Variants in EFCAB5 observed in about 807,000 individuals in gnomAD.
The protein encoded by EFCAB5 is EF-hand calcium binding domain 5.
Under a neutral mutation model 167.9 loss-of-function variants are expected in EFCAB5, and 131 were observed. The ratio of observed to expected loss-of-function variants is 0.78; its 90% CI spans 0.68 to 0.90. The LOEUF (loss-of-function observed/expected upper bound fraction) is 0.90, where lower values mean the gene tolerates loss of function less well. Among genes scored for constraint, EFCAB5 ranks in the 40% least tolerant of loss-of-function variants. The probability of loss-of-function intolerance (pLI) is 0.00; values close to 1 mark genes in which losing one functional copy is unlikely to be tolerated. For missense variants in EFCAB5, 1,663 were observed against 1,745.2 expected (o/e 0.95, Z 0.84); for synonymous variants, 574 against 602.8 (o/e 0.95, Z 0.70).
intron 4 of EFCAB5, among the ~76,000 whole-genome samples, chr17:29,992,202 T>C (rs2068436191): frequency 1.3e-5 from 2 of 152,250 alleles, no homozygotes; most frequent in South Asian, 2.1e-4. Context: ...TTGTTTTATA[T>C]TGCACAAATA....
intron 4 of EFCAB5, among the ~76,000 whole-genome samples, chr17:29,988,190 G>A (rs1322152588): frequency 6.6e-6 from 1 of 152,156 alleles, no homozygotes; most frequent in Non-Finnish European, 1.5e-5. Flanking sequence ...ATTCCCTTCA[G>A]TTAAAGGTCC....
chr17:30,080,905 G>A lies in EFCAB5; in HGVS notation c.3350G>A (p.Gly1117Glu), dbSNP rs758854139. 30 of 1,613,578 alleles carry A rather than the reference G, an allele frequency of 1.9e-5. No individual in the cohort carries two copies. Among genetic ancestry groups the A allele is most frequent in the Non-Finnish European group, 2.1e-5 (25 of 1,179,840 alleles). ...CAAGATGCATATATGAGGATCTTTG[G>A]GGTCTTGGCTGTTGATACCCTTAGA... is the stretch of plus-strand genomic sequence containing the variant. ...PLQDAYMRIFGVLAVDTLRDP... is the reference protein window; with the variant it reads ...PLQDAYMRIFEVLAVDTLRDP... Residue 1117 changes from glycine to glutamate, a missense_variant, in exon 17 of 23, where the codon GGG (glycine) becomes GAG (glutamate). Transcript: ENST00000394835.
intron 3 of EFCAB5, among the ~76,000 whole-genome samples, chr17:29,963,266 C>T (rs995061027): frequency 1.3e-5 from 2 of 152,040 alleles, no homozygotes; most frequent in Admixed American, 6.6e-5. Context: ...AAATAACTAC[C>T]TTTATTATTT....
In EFCAB5 at chr17:30,080,205, T is replaced by C. The variant is rs200371847; in HGVS notation, c.3161T>C (p.Leu1054Pro). Residue 1054 changes from leucine to proline, a missense_variant, in exon 16 of 23, where the codon CTG (leucine) becomes CCG (proline). Transcript: ENST00000394835. ...ACCTTAGATGATGCTCAATTTGTAC[T>C]GAACAGAGTGCTCTACAGGGACATG... ...ACTLDDAQFVLNRVLYRDMKG... is the reference protein window; with the variant it reads ...ACTLDDAQFVPNRVLYRDMKG... The C allele has an allele frequency of 3.1e-3, 4,934 of 1,610,952 alleles. 13 individuals are homozygous for C. The highest frequency in any genetic ancestry group is 3.8e-3 in the Non-Finnish European group (4,435 of 1,179,014).
At chr17:29,940,440 A>G (rs2067283069), upstream of EFCAB5, among the ~76,000 whole-genome samples, 1 of 152,166 alleles carries the variant, frequency 6.6e-6, no homozygotes, top group Non-Finnish European at 1.5e-5. Context: ...TTGCCTGCAT[A>G]TAGAAAGCAC....
At chr17:30,078,585 T>C in intron 15 of EFCAB5, 81 bp downstream of exon 15, 1 of 1,404,182 alleles carries the variant, frequency 7.1e-7, no homozygotes, top group Non-Finnish European at 9.5e-7. Context: ...GAGGAGCATC[T>C]TGAATTCTCT....
intron 4 of EFCAB5, among the ~76,000 whole-genome samples, chr17:29,971,657 G>T (rs1285094464): frequency 6.6e-6 from 1 of 152,148 alleles, no homozygotes; most frequent in Non-Finnish European, 1.5e-5. Flanking sequence ...ATTCCTTAAT[G>T]ATGAATTTTA....
intron 9 of EFCAB5, among the ~76,000 whole-genome samples, chr17:30,052,196 G>T (rs186393232): frequency 6.6e-6 from 1 of 151,918 alleles, no homozygotes; most frequent in East Asian, 1.9e-4. Flanking sequence ...ACAGAGTCTC[G>T]CTCTGTTGCC....
intron 8 of EFCAB5, among the ~76,000 whole-genome samples, chr17:30,041,084 G>T (rs761927145): frequency 2.6e-5 from 4 of 152,102 alleles, no homozygotes; most frequent in Non-Finnish European, 4.4e-5. Flanking sequence ...TAAATATGTC[G>T]GCTTTTCCTT....
chr17:30,094,898 CTG>C (rs2071267812), intron 22 of EFCAB5, among the ~76,000 whole-genome samples: 1 of 152,184 alleles, frequency 6.6e-6, no homozygotes, highest in South Asian at 2.1e-4. Context: ...TCCCAGACAG[CTG>C]TGTTTGCAGT....
At chr17:30,073,341 G>A (rs1332567285) in intron 14 of EFCAB5, 6 of 543,964 alleles carry the variant, frequency 1.1e-5, no homozygotes, top group Non-Finnish European at 1.6e-5. Flanking sequence ...ACAGGCATGA[G>A]CCACCATGCC....
At chr17:30,069,477 T>A in intron 14 of EFCAB5, 1 of 1,589,282 alleles carries the variant, frequency 6.3e-7, no homozygotes, top group Non-Finnish European at 8.6e-7. Flanking sequence ...ATTGATGGCG[T>A]TCACCAGTTA....
intron 17 of EFCAB5, among the ~76,000 whole-genome samples, chr17:30,082,576 A>G (rs1418677958): frequency 6.6e-6 from 1 of 151,890 alleles, no homozygotes; most frequent in African/African-American, 2.4e-5. Context: ...TTTTTAGTAG[A>G]GACAGGGTTT....
Position 29,968,854 on chromosome 17 carries a change from C to A in EFCAB5, c.254C>A (p.Ala85Asp). The A allele has an allele frequency of 6.4e-7, 1 of 1,556,432 alleles. No homozygotes were observed. ...TCAATAAAGGACTCTAAAACTGAAG[C>A]CTCAGGTAATATTGCAATTAGAAAA... is the stretch of plus-strand genomic sequence containing the variant. ...PGSIKDSKTE[A>D]SGNIAIRKSA... Residue 85 changes from alanine (A) to aspartate (D), a missense_variant, in exon 4 of 23, where the codon GCC (alanine) becomes GAC (aspartate). Ala to Asp is a moderately radical substitution (Grantham distance 126). Coordinates refer to ENST00000394835, the MANE Select transcript of EFCAB5 (RefSeq NM_198529.4).
intron 4 of EFCAB5, among the ~76,000 whole-genome samples, chr17:29,976,738 ACT>A (rs1166379616): frequency 6.6e-6 from 1 of 152,016 alleles, no homozygotes. Context: ...TTTTAATGAG[ACT>A]CTATCTTCTT....
At chr17:30,024,190 G>C (rs944213893) in intron 7 of EFCAB5, among the ~76,000 whole-genome samples, 1 of 151,952 alleles carries the variant, frequency 6.6e-6, no homozygotes, top group Non-Finnish European at 1.5e-5. Context: ...AGGGCAATTA[G>C]GCAGGAGAAG....
chr17:30,058,606 AATT>A (rs1317674960), intron 13 of EFCAB5, among the ~76,000 whole-genome samples: 1 of 152,228 alleles, frequency 6.6e-6, no homozygotes, highest in Non-Finnish European at 1.5e-5. Context: ...AGATAAATAA[AATT>A]AATGTCAAAT....
intron 18 of EFCAB5, among the ~76,000 whole-genome samples, chr17:30,083,336 C>T (rs1048348904): frequency 6.6e-6 from 1 of 152,192 alleles, no homozygotes; most frequent in Non-Finnish European, 1.5e-5. Flanking sequence ...GTGTTCATCT[C>T]TCCACTTCTC....
chr17:30,087,849 G>A (rs2151844127), intron 19 of EFCAB5, among the ~76,000 whole-genome samples: 1 of 152,204 alleles, frequency 6.6e-6, no homozygotes, highest in African/African-American at 2.4e-5. Flanking sequence ...TCAGGTTCTA[G>A]GCCTTTGAGG....
Sources: gnomAD v4.1 joint callset for allele counts (sites outside exome capture counted in the v4.1 genomes callset) on GRCh38, gnomAD v4.1.1 for gene constraint, MANE v1.5 for transcripts, NCBI Gene and HGNC (gene_info 2026-07-23, HGNC 2026-07-21) for gene names.